The following PHEX variants were observed in gnomAD, a reference collection of about 807,000 sequenced individuals.
PHEX encodes the protein phosphate-regulating neutral endopeptidase PHEX.
Under a neutral mutation model 68.0 loss-of-function variants are expected in PHEX, and 16 were observed. The observed-to-expected ratio is 0.24, with a 90% confidence interval of 0.16 to 0.36. The LOEUF (loss-of-function observed/expected upper bound fraction) is 0.36, where lower values mean the gene tolerates loss of function less well. Ranked by LOEUF, PHEX falls within the 10% of genes least tolerant of loss-of-function variation. The pLI is 1.00. For missense variants in PHEX, 480 were observed against 575.5 expected (o/e 0.83, Z 1.70); for synonymous variants, 208 against 205.1 (o/e 1.01, Z -0.12).
chrX:22,085,171 A>G (rs933519731), intron 5 of PHEX, among the ~76,000 whole-genome samples: 1 of 111,630 alleles, frequency 9.0e-6, no homozygotes, highest in Admixed American at 9.6e-5. Flanking sequence ...GCTGTGTTTC[A>G]TAGATTTTAA....
At chrX:22,062,182 C>A (rs1465719792) in intron 3 of PHEX, among the ~76,000 whole-genome samples, 1 of 111,520 alleles carries the variant, frequency 9.0e-6, no homozygotes, top group Non-Finnish European at 1.9e-5. Flanking sequence ...GCCACTGAAC[C>A]ACCCATGCGG....
intron 10 of PHEX, among the ~76,000 whole-genome samples, chrX:22,113,004 T>TG (rs1280356445): frequency 6.0e-5 from 5 of 82,772 alleles, no homozygotes; most frequent in Non-Finnish European, 9.0e-5. Context: ...ACAAGTAGGT[T>TG]TTGTGTGTGT....
chrX:22,233,555 G>A (rs929397909), intron 20 of PHEX, among the ~76,000 whole-genome samples: 3 of 110,838 alleles, frequency 2.7e-5, no homozygotes, highest in African/African-American at 9.9e-5. Context: ...TTATTTCACT[G>A]AGTTGATCTT....
At chrX:22,075,001 C>T (rs1256342516) in intron 3 of PHEX, among the ~76,000 whole-genome samples, 5 of 106,212 alleles carry the variant, frequency 4.7e-5, no homozygotes, top group Non-Finnish European at 7.7e-5. Context: ...TGCTTGAACA[C>T]GGGAGGCAGA....
intron 3 of PHEX, among the ~76,000 whole-genome samples, chrX:22,050,912 A>G (rs985127714): frequency 8.9e-6 from 1 of 112,191 alleles, no homozygotes; most frequent in African/African-American, 3.2e-5. Context: ...AGACATTACC[A>G]GAATTGAAGA....
chrX:22,113,115 C>T (rs1931067320), intron 10 of PHEX, among the ~76,000 whole-genome samples: 1 of 108,379 alleles, frequency 9.2e-6, no homozygotes, highest in East Asian at 2.9e-4. Flanking sequence ...GCTTTCCACC[C>T]CTACTGTGAA....
intron 5 of PHEX, among the ~76,000 whole-genome samples, chrX:22,082,551 G>A (rs753268965): frequency 1.8e-5 from 2 of 111,723 alleles, no homozygotes; most frequent in South Asian, 7.5e-4. Flanking sequence ...TTTTTAATGG[G>A]GTTGTTTGGT....
chrX:22,230,701 T>C (rs1332004075), intron 20 of PHEX, among the ~76,000 whole-genome samples: 1 of 111,608 alleles, frequency 9.0e-6, no homozygotes, highest in Non-Finnish European at 1.9e-5. Context: ...GTTTTCTTAA[T>C]ATACAATCAT....
intron 12 of PHEX, among the ~76,000 whole-genome samples, chrX:22,167,712 C>T (rs1224916078): frequency 9.1e-6 from 1 of 109,891 alleles, no homozygotes; most frequent in East Asian, 2.9e-4. Flanking sequence ...CCAGGCTGGT[C>T]TTGAATTCCT....
chrX:22,059,472 C>CAT (rs1027513264), intron 3 of PHEX, among the ~76,000 whole-genome samples: 1 of 112,148 alleles, frequency 8.9e-6, no homozygotes, highest in African/African-American at 3.2e-5. Context: ...TCAAATAGCA[C>CAT]ATATATATAT....
At chrX:22,040,533 A>C (rs957367564) in intron 2 of PHEX, among the ~76,000 whole-genome samples, 1 of 111,860 alleles carries the variant, frequency 8.9e-6, no homozygotes. Context: ...AAGATAGAAC[A>C]ATGTGATAGC....
rs188998447 is a variant in PHEX, at chrX:22,034,632, C to T, written c.118+1509C>T. Among the ~76,000 whole-genome samples the T allele has an allele frequency of 7.4e-3, 834 of 112,048 alleles. 1 individual carries two copies. The highest frequency in any genetic ancestry group is 0.012 in the Non-Finnish European group (659 of 53,206). ...CCCAATAACCTGGCTCTCACCTTGA[C>T]TCTCTAAGAGGAGCTCAAATGATGT... On this transcript the variant is annotated intron_variant, in intron 1 of 21. Transcript: ENST00000379374.
Position 22,037,426 on chromosome X carries a change from A to G in PHEX, c.119-1043A>G, listed in dbSNP as rs748435386. The stretch of plus-strand genomic sequence containing the variant: ...GATTCATTGTTTCTGCTCACAGAGC[A>G]CAGCAAGAATGAATTCCCCAGAATT... On this transcript the variant is annotated intron_variant, in intron 1 of 21. Transcript: ENST00000379374. 1.8e-5 allele frequency among the ~76,000 whole-genome samples: 2 copies of G among 111,549 alleles called. 1 individual carries two copies. Among genetic ancestry groups the G allele is most frequent in the African/African-American group, 6.5e-5 (2 of 30,689 alleles).
At chrX:22,147,360 ATGTGTCTGCTTTGGTGCTGTCTCTAGGGT>A (rs1337275757) in intron 12 of PHEX, among the ~76,000 whole-genome samples, 1 of 110,809 alleles carries the variant, frequency 9.0e-6, no homozygotes, top group Non-Finnish European at 1.9e-5. Flanking sequence ...AATAGCCACA[ATGTGTCTGCTTTGGTGCTGTCTCTAGGGT>A]TGTGTCTGCT....
intron 14 of PHEX, among the ~76,000 whole-genome samples, chrX:22,178,904 G>C (rs1933794691): frequency 8.9e-6 from 1 of 111,748 alleles, no homozygotes; most frequent in African/African-American, 3.2e-5. Context: ...ACAGATAGGA[G>C]AGTTTCCTTA....
At chrX:22,194,650 G>T (rs1245449057) in intron 15 of PHEX, among the ~76,000 whole-genome samples, 1 of 112,241 alleles carries the variant, frequency 8.9e-6, no homozygotes, top group Non-Finnish European at 1.9e-5. Flanking sequence ...TCTTCTGCAC[G>T]CAATAGAGAC....
chrX:22,156,917 CTG>C (rs1483032262), intron 12 of PHEX, among the ~76,000 whole-genome samples: 1 of 110,288 alleles, frequency 9.1e-6, no homozygotes, highest in African/African-American at 3.3e-5. Context: ...GGGTCTCACT[CTG>C]TTGCCCAGGC....
At chrX:22,206,057 G>A (rs1430597624) in intron 15 of PHEX, among the ~76,000 whole-genome samples, 1 of 112,119 alleles carries the variant, frequency 8.9e-6, no homozygotes, top group Admixed American at 9.5e-5. Flanking sequence ...TATCTGTATT[G>A]TGATTGAAAG....
At position 22,184,786 on chromosome X, in the gene PHEX, G is replaced by A. The variant is rs376268651; in HGVS notation, c.1587-5658G>A. Among the ~76,000 whole-genome samples the A allele has an allele frequency of 1.9e-4, 21 of 111,822 alleles. No homozygotes were observed. In the East Asian group the frequency reaches 3.1e-3, roughly 16 times the overall value. ...CTCTCATTCTACTGAGACCAAACAC[G>A]TCTGAATTCTCTATCTTTTGAAAAA... On this transcript the variant is annotated intron_variant, in intron 14 of 21. Coordinates refer to ENST00000379374, the MANE Select transcript of PHEX (RefSeq NM_000444.6).
Sources: allele counts gnomAD v4.1 joint callset (sites outside exome capture counted in the v4.1 genomes callset), GRCh38; gene constraint gnomAD v4.1.1; transcripts MANE v1.5; gene names NCBI Gene and HGNC (gene_info 2026-07-23, HGNC 2026-07-21).